Variants in ASNS observed in about 807,000 individuals in gnomAD.
ASNS encodes the protein asparagine synthetase (glutamine-hydrolyzing).
A neutral mutation model predicts 62.6 loss-of-function variants in ASNS; 37 were observed. The ratio of observed to expected loss-of-function variants is 0.59; its 90% CI spans 0.45 to 0.78. The LOEUF is 0.78. Among genes scored for constraint, ASNS ranks in the 30% least tolerant of loss-of-function variants. The pLI is 0.00. For synonymous variants in ASNS, 207 were observed against 237.9 expected (o/e 0.87, Z 1.19); for missense variants, 520 against 682.4 (o/e 0.76, Z 2.65).
At chr7:97,872,978 A>ATCCT (rs1469504186), upstream of ASNS, among the ~76,000 whole-genome samples, 1 of 152,210 alleles carries the variant, frequency 6.6e-6, no homozygotes, top group Non-Finnish European at 1.5e-5. Flanking sequence ...GCAACTCAGG[A>ATCCT]GGCTGAGGCA....
intron 4 of ASNS, 48 bp from the exon 5 acceptor site, chr7:97,859,446 A>G: frequency 6.6e-7 from 1 of 1,513,378 alleles, no homozygotes; most frequent in East Asian, 2.3e-5. Flanking sequence ...AACCCTTCCC[A>G]ATAACTTTCA....
intron 7 of ASNS, among the ~76,000 whole-genome samples, chr7:97,857,069 C>T (rs1157639339): frequency 6.6e-6 from 1 of 152,160 alleles, no homozygotes; most frequent in Admixed American, 6.5e-5. Flanking sequence ...AACCATTCTC[C>T]CAGTTGGCAC....
At position 97,858,380 on chromosome 7, in the gene ASNS, A is replaced by G; in HGVS notation, c.801T>C (p.Ala267=). Residue 267 remains alanine, a synonymous_variant, in exon 7 of 13, where the codon GCT becomes GCC. Transcript: ENST00000394308. ...LSGGLDSSLV[A]ATLLKQLKEA... ...CTTTCAGCTGCTTCAACAGAGTGGC[A>G]GCAACCAAGCTGGAGTCCAAGCCCC... 6.2e-7 allele frequency: 1 copy of G among 1,614,196 alleles called. No homozygotes were observed. Among genetic ancestry groups the G allele is most frequent in the Non-Finnish European group, 8.5e-7 (1 of 1,180,016 alleles).
At chr7:97,926,725 G>GGTTT in the ASNS span, among the ~76,000 whole-genome samples, 1 of 152,130 alleles carries the variant, frequency 6.6e-6, no homozygotes, top group Non-Finnish European at 1.5e-5. Context: ...AAACAAGGAT[G>GGTTT]GTTTCTGTTC....
chr7:97,858,965 C>T lies in ASNS; in HGVS notation c.674-10G>A, dbSNP rs1343625719. 1.3e-5 allele frequency: 20 copies of T among 1,598,826 alleles called. No individual in the cohort carries two copies. Among genetic ancestry groups the T allele is most frequent in the Non-Finnish European group, 1.6e-5 (19 of 1,174,768 alleles). The stretch of plus-strand genomic sequence containing the variant: ...GTTTCTATCTCAAAACCTATAAACA[C>T]AGCAGTAAATCAAACAGCTCCAGAA... On this transcript the variant is annotated splice_polypyrimidine_tract_variant and intron_variant, in intron 5 of 12. Transcript: ENST00000394308.
chr7:97,868,519 A>ATGTGTGTGTG (rs61611439), intron 3 of ASNS, among the ~76,000 whole-genome samples: 13,209 of 122,880 alleles, frequency 0.11, 596 homozygotes, highest in South Asian at 0.15. Flanking sequence ...CAGCAAAAAC[A>ATGTGTGTGTG]TGTGTGTGTG....
At chr7:97,893,264 C>T in the ASNS span, among the ~76,000 whole-genome samples, 1 of 152,254 alleles carries the variant, frequency 6.6e-6, no homozygotes, top group South Asian at 2.1e-4. Context: ...CCACTGGATC[C>T]CTCCCACAAC....
the ASNS span, among the ~76,000 whole-genome samples, chr7:97,910,649 T>G: frequency 2.0e-5 from 3 of 151,588 alleles, no homozygotes; most frequent in Admixed American, 1.3e-4. Context: ...CCACCCAGGC[T>G]GGCGTCCAGT....
At chr7:97,880,884 G>T in the ASNS span, among the ~76,000 whole-genome samples, 1 of 152,162 alleles carries the variant, frequency 6.6e-6, no homozygotes. Flanking sequence ...ATCCCTTGGG[G>T]ATGAAACATG....
rs1212780118 is a variant in ASNS, at chr7:97,853,386, AC to A, written c.1239-1del. On this transcript the variant is annotated splice_acceptor_variant, in intron 10 of 12. Coordinates refer to ENST00000394308, the MANE Select transcript of ASNS (RefSeq NM_001673.5). LOFTEE classifies it high-confidence loss of function. ...CTAGAAATGGGACTCTCAGTTCAAG[AC>A]TTAAAGGAGAAAAGAAGAAAATCTA... The A allele has an allele frequency of 6.2e-7, 1 of 1,610,924 alleles. No individual in the cohort carries two copies. The highest frequency in any genetic ancestry group is 1.3e-5 in the African/African-American group (1 of 74,822).
chr7:97,864,912 T>C (rs753054505), intron 3 of ASNS, among the ~76,000 whole-genome samples: 2 of 152,226 alleles, frequency 1.3e-5, no homozygotes, highest in African/African-American at 4.8e-5. Flanking sequence ...ATATGTGAGA[T>C]ATCTTGGGCA....
chr7:97,862,794 T>G (rs578130260), intron 4 of ASNS, among the ~76,000 whole-genome samples: 1 of 152,082 alleles, frequency 6.6e-6, no homozygotes, highest in East Asian at 1.9e-4. Context: ...GTCTATTATG[T>G]TTTTAAAATA....
chr7:97,916,345 C>T, the ASNS span, among the ~76,000 whole-genome samples: 441 of 152,240 alleles, frequency 2.9e-3, 8 homozygotes, highest in Admixed American at 0.024. Flanking sequence ...TGCACCATTA[C>T]ACTCCAGCCT....
chr7:97,914,030 G>A, the ASNS span, among the ~76,000 whole-genome samples: 56 of 148,672 alleles, frequency 3.8e-4, 1 homozygote, highest in Non-Finnish European at 6.7e-4. Flanking sequence ...GTGAGTGGAT[G>A]GATAGATGGG....
At chr7:97,894,480 C>CA in the ASNS span, among the ~76,000 whole-genome samples, 556 of 36,524 alleles carry the variant, frequency 0.015, 2 homozygotes, top group African/African-American at 0.023. Context: ...TGAGGCTAAC[C>CA]AAAAAAAAAA....
At chr7:97,854,761 G>A (rs1046813191) in intron 9 of ASNS, 81 bp from the exon 10 acceptor site, 3 of 1,593,568 alleles carry the variant, frequency 1.9e-6, no homozygotes, top group East Asian at 4.5e-5. Flanking sequence ...AATCCTAAAG[G>A]TGGATAAGAC....
chr7:97,903,612 C>T, the ASNS span, among the ~76,000 whole-genome samples: 1 of 152,160 alleles, frequency 6.6e-6, no homozygotes, highest in Non-Finnish European at 1.5e-5. Flanking sequence ...GAAAGTCTTC[C>T]CCTCTAGGAA....
In ASNS at chr7:97,856,793, T is replaced by C. The variant is rs1425255336; in HGVS notation, c.927A>G (p.Glu309=). ...ARKVADHIGS[E]HYEVLFNSEE... ...CAGAGTTAAAAAGGACTTCATAATG[T>C]TCACTTCCAATATGATCTGCCACCT... The change falls in exon 8 of 13, where the codon GAA becomes GAG. Residue 309 remains glutamate (E), a synonymous_variant. Transcript: ENST00000394308. 1.2e-6 allele frequency: 2 copies of C among 1,610,610 alleles called. No individual in the cohort carries two copies. Among genetic ancestry groups the C allele is most frequent in the Non-Finnish European group, 1.7e-6 (2 of 1,178,000 alleles).
chr7:97,911,634 TCAAA>T, the ASNS span, among the ~76,000 whole-genome samples: 2 of 152,036 alleles, frequency 1.3e-5, no homozygotes, highest in Non-Finnish European at 1.5e-5. Flanking sequence ...AGACCCTGTC[TCAAA>T]CAAACAAACA....
Sources: allele counts gnomAD v4.1 joint callset (sites outside exome capture counted in the v4.1 genomes callset), GRCh38; gene constraint gnomAD v4.1.1; transcripts MANE v1.5; gene names NCBI Gene and HGNC (gene_info 2026-07-23, HGNC 2026-07-21).